CHD9: variants seen among roughly 807,000 people sequenced by gnomAD.
CHD9 encodes ATP-dependent chromatin remodeler CHD9.
In CHD9, 77 loss-of-function variants were observed where a neutral mutation model predicts 316.1. That is an observed-to-expected ratio of 0.24 (90% CI 0.20 to 0.29). The LOEUF is 0.29. Among genes scored for constraint, CHD9 ranks in the 10% least tolerant of loss-of-function variants. CHD9 has a pLI of 1.00. For missense variants in CHD9, 2,763 were observed against 3,438.1 expected (o/e 0.80, Z 4.91); for synonymous variants, 1,129 against 1,158.3 (o/e 0.97, Z 0.51).
At chr16:53,055,729 A>G (rs2032015465) in intron 1 of CHD9, among the ~76,000 whole-genome samples, 1 of 152,088 alleles carries the variant, frequency 6.6e-6, no homozygotes, top group Non-Finnish European at 1.5e-5. Flanking sequence ...TTAAGCAGGA[A>G]ATGCCTCTGC....
chr16:53,079,098 G>A (rs1299358600), intron 1 of CHD9, among the ~76,000 whole-genome samples: 4 of 152,138 alleles, frequency 2.6e-5, no homozygotes, highest in East Asian at 1.9e-4. Flanking sequence ...TTTGGCTAGC[G>A]TTATACATAC....
chr16:53,128,057 T>C (rs1466430499), intron 1 of CHD9, among the ~76,000 whole-genome samples: 3 of 152,134 alleles, frequency 2.0e-5, no homozygotes, highest in Non-Finnish European at 4.4e-5. Flanking sequence ...ACGTATCTAT[T>C]GTAGGATGTT....
chr16:53,201,739 AC>A (rs1251858308), intron 2 of CHD9, among the ~76,000 whole-genome samples: 1 of 151,864 alleles, frequency 6.6e-6, no homozygotes, highest in Non-Finnish European at 1.5e-5. Flanking sequence ...GAATATAGCC[AC>A]CCCCTCCATG....
At chr16:53,280,535 G>C (rs188475283) in intron 24 of CHD9, among the ~76,000 whole-genome samples, 1 of 152,106 alleles carries the variant, frequency 6.6e-6, no homozygotes, top group East Asian at 1.9e-4. Context: ...AGGGCAGGAA[G>C]GGGGTTCGGG....
At chr16:53,147,349 T>C (rs1156462861) in intron 1 of CHD9, among the ~76,000 whole-genome samples, 1 of 152,122 alleles carries the variant, frequency 6.6e-6, no homozygotes, top group Non-Finnish European at 1.5e-5. Context: ...CAAGATTGTT[T>C]TTAATTGTAA....
At chr16:53,244,460 G>A (rs2049389287) in intron 13 of CHD9, among the ~76,000 whole-genome samples, 2 of 151,870 alleles carry the variant, frequency 1.3e-5, no homozygotes, top group African/African-American at 2.4e-5. Flanking sequence ...CAAAGTACTG[G>A]GATTGCAGGC....
chr16:53,117,053 TCACACAC>T (rs1243825532), intron 1 of CHD9, among the ~76,000 whole-genome samples: 1 of 151,974 alleles, frequency 6.6e-6, no homozygotes, highest in East Asian at 1.9e-4. Context: ...GAGAGGAACA[TCACACAC>T]TGGGGTCTGT....
chr16:53,083,443 A>T (rs889076717), intron 1 of CHD9, among the ~76,000 whole-genome samples: 2 of 152,204 alleles, frequency 1.3e-5, no homozygotes, highest in African/African-American at 4.8e-5. Flanking sequence ...AAGAGATTAT[A>T]TTGCCACACC....
Position 53,250,282 on chromosome 16 carries a change from T to C in CHD9, c.3861+216T>C, listed in dbSNP as rs546213748. 3.8e-5 allele frequency: 19 copies of C among 502,640 alleles called. No homozygotes were observed. The East Asian group carries it at 5.5e-4, about 15-fold the overall frequency. The allele number at this position is 502,640 out of a possible 1,614,324, so 31.1% of individuals were successfully genotyped here. On this transcript the variant is annotated intron_variant, in intron 17 of 38. Transcript: ENST00000447540. ...TTACTTTTTTATATGTCTCACTAAC[T>C]TATATGTCTTACTAGCTTATAAAAA...
At chr16:53,193,868 A>C (rs2044676095) in intron 2 of CHD9, among the ~76,000 whole-genome samples, 2 of 152,314 alleles carry the variant, frequency 1.3e-5, no homozygotes, top group South Asian at 4.1e-4. Context: ...GGTTTTAGAG[A>C]TACAAATTGA....
chr16:53,105,156 A>G (rs1470923112), intron 1 of CHD9, among the ~76,000 whole-genome samples: 1 of 152,060 alleles, frequency 6.6e-6, no homozygotes, highest in East Asian at 1.9e-4. Flanking sequence ...TTAAAATATT[A>G]AGTTTATTTA....
chr16:53,089,310 AAATG>A (rs970980292), intron 1 of CHD9, among the ~76,000 whole-genome samples: 1 of 152,146 alleles, frequency 6.6e-6, no homozygotes, highest in Non-Finnish European at 1.5e-5. Context: ...AAACAAAAGA[AAATG>A]AAGTTGAATA....
At chr16:53,302,725 T>C (rs2055560556) in intron 30 of CHD9, among the ~76,000 whole-genome samples, 1 of 152,180 alleles carries the variant, frequency 6.6e-6, no homozygotes, top group Non-Finnish European at 1.5e-5. Context: ...TATGGATTCA[T>C]GGGTATTTAT....
chr16:53,094,388 C>T (rs1009137537), intron 1 of CHD9, among the ~76,000 whole-genome samples: 9 of 152,120 alleles, frequency 5.9e-5, no homozygotes, highest in African/African-American at 1.9e-4. Context: ...GGCCAGCCAC[C>T]GCACAGAGAG....
intron 1 of CHD9, among the ~76,000 whole-genome samples, chr16:53,082,200 T>TTTTA (rs142613847): frequency 0.047 from 6,608 of 140,898 alleles, 263 homozygotes; most frequent in African/African-American, 0.097. Context: ...CAGGAGAACA[T>TTTTA]TTTATTTATT....
chr16:53,208,538 T>G (rs1328004836), intron 2 of CHD9: 1 of 1,045,258 alleles, frequency 9.6e-7, no homozygotes, highest in Non-Finnish European at 1.2e-6. Context: ...GGCATTTTAG[T>G]GAGCAATTCT....
intron 2 of CHD9, among the ~76,000 whole-genome samples, chr16:53,159,980 A>G (rs1005071303): frequency 2.6e-5 from 4 of 152,192 alleles, no homozygotes; most frequent in African/African-American, 7.2e-5. Context: ...GAGATGTAGA[A>G]ACATTTAAAA....
chr16:53,150,723 A>G (rs1228135090), intron 1 of CHD9, among the ~76,000 whole-genome samples: 1 of 152,160 alleles, frequency 6.6e-6, no homozygotes, highest in East Asian at 1.9e-4. Flanking sequence ...ATTTCTCTTC[A>G]TTCTTAAAAA....
At chr16:53,147,477 A>G (rs903593525) in intron 1 of CHD9, among the ~76,000 whole-genome samples, 6 of 152,130 alleles carry the variant, frequency 3.9e-5, no homozygotes, top group African/African-American at 7.2e-5. Flanking sequence ...TTATCATCTC[A>G]AGGCACTGTA....
Sources: allele counts gnomAD v4.1 joint callset (sites outside exome capture counted in the v4.1 genomes callset), GRCh38; gene constraint gnomAD v4.1.1; transcripts MANE v1.5; gene names NCBI Gene and HGNC (gene_info 2026-07-23, HGNC 2026-07-21).